Variants in CTNNA3 observed in about 807,000 individuals in gnomAD.
The protein encoded by CTNNA3 is catenin alpha-3.
Under a neutral mutation model 95.7 loss-of-function variants are expected in CTNNA3, and 76 were observed. That is an observed-to-expected ratio of 0.79 (90% confidence interval 0.66 to 0.96). The LOEUF (loss-of-function observed/expected upper bound fraction) is 0.96. Among genes scored for constraint, CTNNA3 ranks in the 40% least tolerant of loss-of-function variants. CTNNA3 has a pLI of 0.00. For synonymous variants in CTNNA3, 431 were observed against 374.4 expected (o/e 1.15, Z -1.74); for missense variants, 1,191 against 1,089.8 (o/e 1.09, Z -1.31).
chr10:66,104,297 T>C (rs568037173), intron 13 of CTNNA3, among the ~76,000 whole-genome samples: 8 of 152,304 alleles, frequency 5.3e-5, no homozygotes, highest in African/African-American at 1.9e-4. Context: ...CTTTAATATA[T>C]CATCGCTGAA....
At chr10:66,114,787 G>A (rs2082259896) in intron 13 of CTNNA3, among the ~76,000 whole-genome samples, 1 of 151,494 alleles carries the variant, frequency 6.6e-6, no homozygotes, top group African/African-American at 2.4e-5. Context: ...GCTGAAGCAG[G>A]AGAATCACTT....
At chr10:67,113,473 T>C (rs567452845) in intron 7 of CTNNA3, among the ~76,000 whole-genome samples, 2 of 152,258 alleles carry the variant, frequency 1.3e-5, no homozygotes, top group South Asian at 4.1e-4. Flanking sequence ...CTAAGCAAAA[T>C]AGGAGATAAC....
intron 12 of CTNNA3, among the ~76,000 whole-genome samples, chr10:66,354,754 T>G (rs2132402788): frequency 6.6e-6 from 1 of 152,190 alleles, no homozygotes; most frequent in Admixed American, 6.5e-5. Flanking sequence ...TCTGTCACTG[T>G]GGGCTCTCTC....
At chr10:66,555,699 T>C (rs1842368582) in intron 10 of CTNNA3, among the ~76,000 whole-genome samples, 1 of 152,078 alleles carries the variant, frequency 6.6e-6, no homozygotes, top group African/African-American at 2.4e-5. Context: ...TTAGTCCAAA[T>C]TACCTAGTCC....
chr10:67,135,720 G>A (rs1860269026), intron 7 of CTNNA3, among the ~76,000 whole-genome samples: 1 of 151,938 alleles, frequency 6.6e-6, no homozygotes, highest in African/African-American at 2.4e-5. Flanking sequence ...TGTTTTGGAA[G>A]GGTAAGATGA....
At chr10:66,804,139 CCTAT>C (rs1266421294) in intron 7 of CTNNA3, among the ~76,000 whole-genome samples, 6 of 151,900 alleles carry the variant, frequency 3.9e-5, no homozygotes, top group Non-Finnish European at 7.4e-5. Flanking sequence ...GTGTATGACA[CCTAT>C]CTGTCTGTGG....
intron 7 of CTNNA3, among the ~76,000 whole-genome samples, chr10:67,121,456 A>T (rs1232891861): frequency 6.6e-6 from 1 of 152,050 alleles, no homozygotes; most frequent in African/African-American, 2.4e-5. Flanking sequence ...ATCCAAAGAG[A>T]TGGTTAGCCT....
intron 11 of CTNNA3, among the ~76,000 whole-genome samples, chr10:66,485,459 C>G (rs1012638913): frequency 6.6e-6 from 1 of 151,812 alleles, no homozygotes; most frequent in Admixed American, 6.6e-5. Flanking sequence ...GGGAACTATC[C>G]AAAAGATAAA....
At position 66,785,890 on chromosome 10, in the gene CTNNA3, AC is replaced by A. The variant is rs536069261; in HGVS notation, c.1048-10367del. ...TTTTTCACCACACTCTCTTCCCCCA[AC>A]CCCCAGATATCACAAAAATTGTTCC... On this transcript the variant is annotated intron_variant, in intron 7 of 17. Coordinates refer to ENST00000433211, the MANE Select transcript of CTNNA3 (RefSeq NM_013266.4). 2.8e-3 allele frequency among the ~76,000 whole-genome samples: 429 copies of A among 151,828 alleles called. 2 individuals carry two copies. Among genetic ancestry groups the A allele is most frequent in the African/African-American group, 9.8e-3 (404 of 41,418 alleles).
chr10:65,957,729 C>T (rs1332544086), intron 17 of CTNNA3, among the ~76,000 whole-genome samples: 1 of 152,114 alleles, frequency 6.6e-6, no homozygotes, highest in African/African-American at 2.4e-5. Context: ...TCTCTTCTGG[C>T]TTGTAGAGTT....
At chr10:66,749,375 C>T (rs557907816) in intron 9 of CTNNA3, among the ~76,000 whole-genome samples, 2 of 152,226 alleles carry the variant, frequency 1.3e-5, no homozygotes, top group Admixed American at 6.5e-5. Context: ...CCTCACCTCT[C>T]CCTCTTCACT....
intron 3 of CTNNA3, among the ~76,000 whole-genome samples, chr10:67,601,920 C>CTT (rs1843095170): frequency 6.6e-6 from 1 of 152,080 alleles, no homozygotes; most frequent in Non-Finnish European, 1.5e-5. Flanking sequence ...CTTTAGGTAA[C>CTT]CAAAATACCC....
chr10:67,242,473 C>T (rs972588169), intron 5 of CTNNA3, among the ~76,000 whole-genome samples: 3 of 152,158 alleles, frequency 2.0e-5, no homozygotes, highest in Non-Finnish European at 4.4e-5. Context: ...ACTACAAACT[C>T]AAATGTTTAA....
intron 5 of CTNNA3, among the ~76,000 whole-genome samples, chr10:67,251,191 G>T (rs1038537533): frequency 2.6e-5 from 4 of 152,200 alleles, no homozygotes; most frequent in Non-Finnish European, 4.4e-5. Context: ...CAACGTGGAT[G>T]AATCTTGAAA....
At chr10:66,913,889 C>A (rs1846347556) in intron 7 of CTNNA3, among the ~76,000 whole-genome samples, 1 of 152,166 alleles carries the variant, frequency 6.6e-6, no homozygotes, top group Non-Finnish European at 1.5e-5. Flanking sequence ...AGACTTGGGA[C>A]TGACAACCTA....
chr10:67,494,705 C>T (rs182352877), intron 5 of CTNNA3, among the ~76,000 whole-genome samples: 7 of 152,294 alleles, frequency 4.6e-5, no homozygotes, highest in Admixed American at 4.6e-4. Flanking sequence ...TCTATTTGGC[C>T]TAATTGGGCT....
intron 16 of CTNNA3, among the ~76,000 whole-genome samples, chr10:65,985,098 G>GT (rs1170054197): frequency 6.6e-6 from 1 of 150,796 alleles, no homozygotes; most frequent in African/African-American, 2.4e-5. Flanking sequence ...GTCTTTATTT[G>GT]TTTCTTATTC....
intron 12 of CTNNA3, among the ~76,000 whole-genome samples, chr10:66,357,285 G>T (rs189181176): frequency 7.8e-4 from 119 of 152,250 alleles, no homozygotes; most frequent in African/African-American, 2.8e-3. Context: ...GCAACAGATA[G>T]AGGACATTCA....
chr10:66,406,405 G>A (rs1035675232), intron 11 of CTNNA3, among the ~76,000 whole-genome samples: 1 of 150,674 alleles, frequency 6.6e-6, no homozygotes, highest in Non-Finnish European at 1.5e-5. Context: ...CAAGGTACTT[G>A]TTCTATAAGC....
Sources: allele counts gnomAD v4.1 joint callset (sites outside exome capture counted in the v4.1 genomes callset), GRCh38; gene constraint gnomAD v4.1.1; transcripts MANE v1.5; gene names NCBI Gene and HGNC (gene_info 2026-07-23, HGNC 2026-07-21).